Variants in NRG3 observed in about 807,000 individuals in gnomAD.
The protein encoded by NRG3 is pro-neuregulin-3, membrane-bound isoform.
NRG3 carries 31 observed loss-of-function variants against 66.9 expected under a neutral mutation model. The ratio of observed to expected loss-of-function variants is 0.46; its 90% CI spans 0.35 to 0.63. NRG3 has a LOEUF of 0.63. NRG3 is among the 20% of genes least tolerant of loss of function. NRG3 has a pLI of 0.00. For synonymous variants in NRG3, 393 were observed against 359.4 expected (o/e 1.09, Z -1.06); for missense variants, 910 against 878.9 (o/e 1.04, Z -0.45).
At chr10:82,449,777 C>T (rs1322779436) in intron 2 of NRG3, among the ~76,000 whole-genome samples, 1 of 152,154 alleles carries the variant, frequency 6.6e-6, no homozygotes, top group Non-Finnish European at 1.5e-5. Context: ...GCTCCACTTA[C>T]TCCAATCATA....
chr10:82,755,568 AG>A (rs2059044087), intron 3 of NRG3, among the ~76,000 whole-genome samples: 2 of 152,258 alleles, frequency 1.3e-5, no homozygotes, highest in South Asian at 4.1e-4. Context: ...AGGGAAGGGA[AG>A]AATCTGAGTC....
intron 2 of NRG3, among the ~76,000 whole-genome samples, chr10:82,657,217 T>G (rs2051942943): frequency 6.6e-6 from 1 of 151,704 alleles, no homozygotes; most frequent in South Asian, 2.1e-4. Context: ...TTTATTTATT[T>G]TATGTATATT....
chr10:82,695,699 A>G (rs1591205147), intron 2 of NRG3, among the ~76,000 whole-genome samples: 1 of 152,148 alleles, frequency 6.6e-6, no homozygotes, highest in Non-Finnish European at 1.5e-5. Context: ...AAGATATTTT[A>G]TTAAATGTAA....
intron 1 of NRG3, among the ~76,000 whole-genome samples, chr10:82,250,854 T>C (rs923772099): frequency 3.3e-5 from 5 of 152,176 alleles, no homozygotes; most frequent in African/African-American, 1.2e-4. Context: ...GGATGCTGTA[T>C]TAAAAGAGGT....
intron 1 of NRG3, among the ~76,000 whole-genome samples, chr10:82,115,941 A>G (rs1425991189): frequency 1.3e-5 from 2 of 152,046 alleles, no homozygotes; most frequent in African/African-American, 4.8e-5. Context: ...TGCAGAGAAA[A>G]TCTGTGCATT....
intron 2 of NRG3, among the ~76,000 whole-genome samples, chr10:82,697,621 A>T (rs2055495848): frequency 6.6e-6 from 1 of 152,160 alleles, no homozygotes; most frequent in African/African-American, 2.4e-5. Flanking sequence ...TTACCAACAA[A>T]CTAAAGGACT....
At chr10:82,865,905 G>T (rs1564581765) in intron 4 of NRG3, among the ~76,000 whole-genome samples, 1 of 152,044 alleles carries the variant, frequency 6.6e-6, no homozygotes, top group Non-Finnish European at 1.5e-5. Flanking sequence ...ATACATTTTG[G>T]TATCAATTTT....
At chr10:82,304,160 A>G (rs1316060149) in intron 1 of NRG3, among the ~76,000 whole-genome samples, 1 of 151,900 alleles carries the variant, frequency 6.6e-6, no homozygotes, top group Non-Finnish European at 1.5e-5. Context: ...TCCTGCAACA[A>G]TTTTGGAGGT....
Position 82,837,577 on chromosome 10 carries a change from G to A in NRG3, c.1028-27834G>A, listed in dbSNP as rs17100895. Among the ~76,000 whole-genome samples the A allele has an allele frequency of 3.9e-3, 588 of 152,196 alleles. 2 individuals carry two copies. The highest frequency in any genetic ancestry group is 9.0e-3 in the African/African-American group (372 of 41,542). ...ATCACTACCTGATAAATATTTGGAC[G>A]CGAATCATGATTTTGAAGGACAAAG... On this transcript the variant is annotated intron_variant, in intron 3 of 8. Coordinates refer to ENST00000372141, the MANE Select transcript of NRG3 (RefSeq NM_001010848.4).
chr10:82,082,050 A>T (rs1428827249), intron 1 of NRG3, among the ~76,000 whole-genome samples: 3 of 152,220 alleles, frequency 2.0e-5, no homozygotes, highest in African/African-American at 7.2e-5. Flanking sequence ...TTTCCAAGGT[A>T]CAACTGTCAA....
intron 1 of NRG3, among the ~76,000 whole-genome samples, chr10:82,272,174 C>T (rs2078629701): frequency 6.6e-6 from 1 of 151,980 alleles, no homozygotes; most frequent in Admixed American, 6.6e-5. Context: ...GTGGCGAGAG[C>T]TTTGGCCACA....
intron 2 of NRG3, among the ~76,000 whole-genome samples, chr10:82,621,659 C>G (rs1175425982): frequency 6.6e-6 from 1 of 152,122 alleles, no homozygotes; most frequent in African/African-American, 2.4e-5. Flanking sequence ...GTAAAAATAT[C>G]ATTTCATCTT....
chr10:82,914,021 G>T (rs1452797627), intron 4 of NRG3, among the ~76,000 whole-genome samples: 1 of 151,764 alleles, frequency 6.6e-6, no homozygotes, highest in Non-Finnish European at 1.5e-5. Context: ...TCAGTTTTTA[G>T]TGTTGCTATT....
intron 2 of NRG3, among the ~76,000 whole-genome samples, chr10:82,480,862 G>A (rs1842212943): frequency 1.3e-5 from 2 of 152,236 alleles, no homozygotes; most frequent in South Asian, 4.1e-4. Flanking sequence ...CTACCATGGA[G>A]TGAGGGGATT....
chr10:82,327,036 T>C (rs1045988232), intron 1 of NRG3, among the ~76,000 whole-genome samples: 2 of 152,210 alleles, frequency 1.3e-5, no homozygotes, highest in African/African-American at 4.8e-5. Context: ...ATTTTAGGCA[T>C]TGATACTTTA....
At chr10:82,481,203 C>A (rs187290036) in intron 2 of NRG3, among the ~76,000 whole-genome samples, 1 of 152,302 alleles carries the variant, frequency 6.6e-6, no homozygotes, top group Non-Finnish European at 1.5e-5. Context: ...ATTTCTCTAT[C>A]ATATTTAACT....
At chr10:82,125,462 T>C (rs1367990796) in intron 1 of NRG3, among the ~76,000 whole-genome samples, 1 of 152,076 alleles carries the variant, frequency 6.6e-6, no homozygotes, top group Non-Finnish European at 1.5e-5. Flanking sequence ...TGGCTGTATA[T>C]ATTTAACATT....
At chr10:82,621,119 T>G (rs2133610296) in intron 2 of NRG3, among the ~76,000 whole-genome samples, 1 of 152,322 alleles carries the variant, frequency 6.6e-6, no homozygotes, top group East Asian at 1.9e-4. Context: ...ATTTTAGTTT[T>G]TATTATTCAA....
At chr10:82,874,528 G>A (rs1234533558) in intron 4 of NRG3, among the ~76,000 whole-genome samples, 1 of 151,876 alleles carries the variant, frequency 6.6e-6, no homozygotes, top group South Asian at 2.1e-4. Context: ...GCATAGATGT[G>A]TGTTTGTGGA....
Sources: allele counts gnomAD v4.1 joint callset (sites outside exome capture counted in the v4.1 genomes callset), GRCh38; gene constraint gnomAD v4.1.1; transcripts MANE v1.5; gene names NCBI Gene and HGNC (gene_info 2026-07-23, HGNC 2026-07-21).